PHC2: variants seen among roughly 807,000 people sequenced by gnomAD.
PHC2 encodes the protein polyhomeotic-like protein 2.
Under a neutral mutation model 87.4 loss-of-function variants are expected in PHC2, and 29 were observed. That is an observed-to-expected ratio of 0.33 (90% confidence interval 0.25 to 0.45). PHC2 has a LOEUF of 0.45. Among genes scored for constraint, PHC2 ranks in the 20% least tolerant of loss-of-function variants. The probability of loss-of-function intolerance (pLI) is 1.00; values close to 1 mark genes in which losing one functional copy is unlikely to be tolerated. For missense variants in PHC2, 857 were observed against 1,136.7 expected (o/e 0.75, Z 3.54); for synonymous variants, 438 against 461.7 (o/e 0.95, Z 0.66).
At chr1:33,412,547 T>C (rs1014304307) in intron 1 of PHC2, among the ~76,000 whole-genome samples, 1 of 152,206 alleles carries the variant, frequency 6.6e-6, no homozygotes, top group African/African-American at 2.4e-5. Flanking sequence ...GAAAGCATGA[T>C]CACTGATTGC....
chr1:33,394,373 T>C (rs1649209800), intron 1 of PHC2, among the ~76,000 whole-genome samples: 1 of 152,144 alleles, frequency 6.6e-6, no homozygotes, highest in African/African-American at 2.4e-5. Context: ...AAGTCAACTT[T>C]TTGCACTTAT....
rs572829897 is a variant in PHC2, at chr1:33,330,797, T to C, written c.2006+551A>G. ...CCCCAGGCCCATGGCTTATTAGCTA[T>C]GTTATCTGAGGCACTACTACTCCTT... On this transcript the variant is annotated intron_variant, in intron 12 of 14. Coordinates refer to ENST00000683057, the MANE Select transcript of PHC2 (RefSeq NM_001385109.1). 3.0e-4 allele frequency among the ~76,000 whole-genome samples: 46 copies of C among 152,336 alleles called. No homozygotes were observed. In the South Asian group the frequency reaches 9.3e-3, roughly 31 times the overall value.
chr1:33,428,091 A>AT (rs1267826578), intron 1 of PHC2, among the ~76,000 whole-genome samples: 1 of 152,208 alleles, frequency 6.6e-6, no homozygotes, highest in Non-Finnish European at 1.5e-5. Flanking sequence ...TTGTGATTTC[A>AT]TTTAGTCCTC....
intron 1 of PHC2, among the ~76,000 whole-genome samples, chr1:33,384,947 A>T (rs1027266105): frequency 5.2e-4 from 79 of 152,234 alleles, no homozygotes; most frequent in African/African-American, 1.8e-3. Flanking sequence ...CAAGGTTAAA[A>T]TACCGAAACA....
chr1:33,427,874 G>A (rs970888078), intron 1 of PHC2, among the ~76,000 whole-genome samples: 7 of 152,170 alleles, frequency 4.6e-5, no homozygotes, highest in South Asian at 4.1e-4. Context: ...TCTACCATAC[G>A]GACTCCATGC....
chr1:33,416,736 A>G (rs1382029191), intron 1 of PHC2, among the ~76,000 whole-genome samples: 1 of 152,130 alleles, frequency 6.6e-6, no homozygotes, highest in Non-Finnish European at 1.5e-5. Flanking sequence ...GTAAAATAGA[A>G]CTTTTCAGAC....
intron 1 of PHC2, among the ~76,000 whole-genome samples, chr1:33,379,308 C>A (rs1173280707): frequency 3.1e-5 from 3 of 95,700 alleles, no homozygotes; most frequent in Non-Finnish European, 6.5e-5. Context: ...CCTGCCCCCC[C>A]ACCCCCCCAC....
At chr1:33,428,683 C>A (rs954909138) in intron 1 of PHC2, among the ~76,000 whole-genome samples, 3 of 152,178 alleles carry the variant, frequency 2.0e-5, no homozygotes, top group Non-Finnish European at 4.4e-5. Context: ...GCTAAGACAG[C>A]AGAATGGGAT....
At chr1:33,336,756 T>A (rs370806132) in intron 9 of PHC2, 8 of 152,220 alleles carry the variant, frequency 5.3e-5, no homozygotes, top group Admixed American at 2.0e-4. Context: ...GGGACGCACA[T>A]GGAGCAGTGA....
At chr1:33,393,552 G>C (rs1385448386) in intron 1 of PHC2, among the ~76,000 whole-genome samples, 2 of 149,054 alleles carry the variant, frequency 1.3e-5, no homozygotes, top group East Asian at 4.0e-4. Flanking sequence ...TCTGTGCTCA[G>C]GGACCAGTGC....
intron 1 of PHC2, among the ~76,000 whole-genome samples, chr1:33,384,327 C>T (rs1043968107): frequency 1.3e-5 from 2 of 152,120 alleles, no homozygotes; most frequent in Non-Finnish European, 2.9e-5. Flanking sequence ...CTCTAAGGGG[C>T]CCCACTATCC....
At chr1:33,429,252 G>C (rs919264787) in intron 1 of PHC2, among the ~76,000 whole-genome samples, 26 of 152,110 alleles carry the variant, frequency 1.7e-4, no homozygotes, top group African/African-American at 5.8e-4. Context: ...CAGAAAAACT[G>C]ATGAGGGGAA....
intron 14 of PHC2, chr1:33,326,425 G>A (rs758853179): frequency 1.3e-5 from 2 of 152,558 alleles, no homozygotes; most frequent in Non-Finnish European, 2.9e-5. Context: ...CAATCCAAAG[G>A]CTCTCGACGG....
chr1:33,396,885 C>T (rs538037013), intron 1 of PHC2, among the ~76,000 whole-genome samples: 1 of 152,342 alleles, frequency 6.6e-6, no homozygotes, highest in African/African-American at 2.4e-5. Flanking sequence ...CACACAGACA[C>T]AAGAGGAGGC....
Position 33,367,229 on chromosome 1 carries a change from A to T in PHC2, c.863T>A (p.Met288Lys). 1 of 1,614,134 alleles carries T rather than the reference A, an allele frequency of 6.2e-7. No homozygotes were observed. Among genetic ancestry groups the T allele is most frequent in the Non-Finnish European group, 8.5e-7 (1 of 1,179,988 alleles). The change falls in exon 7 of 15, where the codon ATG becomes AAG. Residue 288 changes from methionine (M) to lysine (K), a missense_variant. Physicochemically the swap from Met to Lys is moderately conservative, Grantham distance 95. This residue lies in a region of PHC2 where 832 missense variants were observed against 1,081.8 expected (regional missense o/e 0.77). Transcript: ENST00000683057. ...GCCATCTCCTTTCTTGTGTGGCTCCATCACACTGTCAGCTATGCCAGGCTT... is the reference window on the plus strand; with the variant it reads ...GCCATCTCCTTTCTTGTGTGGCTCCTTCACACTGTCAGCTATGCCAGGCTT... ...GAKPGIADSV[M>K]EPHKKGDGNS...
intron 1 of PHC2, among the ~76,000 whole-genome samples, chr1:33,424,128 CAA>C (rs1168616576): frequency 6.9e-6 from 1 of 145,910 alleles, no homozygotes; most frequent in South Asian, 2.2e-4. Context: ...AAACAAAAAA[CAA>C]AAAAAAAGAA....
chr1:33,334,065 AAAG>A lies in PHC2; in HGVS notation c.1761+22_1761+24del. The A allele has an allele frequency of 6.4e-7, 1 of 1,568,970 alleles. No individual in the cohort carries two copies. Among genetic ancestry groups the A allele is most frequent in the African/African-American group, 1.4e-5 (1 of 72,246 alleles). The stretch of plus-strand genomic sequence containing the variant: ...CACATCCAAAATATACTTAAAAAAA[AAAG>A]GGGAAAAGAAGTAGTCCGTACCGGG... On this transcript the variant is annotated intron_variant, in intron 10 of 14. Coordinates refer to ENST00000683057, the MANE Select transcript of PHC2 (RefSeq NM_001385109.1). The surrounding 1 kb of genome is among the most constrained non-coding windows in gnomAD (Gnocchi z 5.5).
intron 1 of PHC2, among the ~76,000 whole-genome samples, chr1:33,392,400 T>C (rs1649107380): frequency 6.6e-6 from 1 of 152,210 alleles, no homozygotes; most frequent in Non-Finnish European, 1.5e-5. Context: ...GTTCTCACGT[T>C]CTGTTCCTTG....
Position 33,375,468 on chromosome 1 carries a change from A to G in PHC2, c.72T>C (p.Ser24=). The change falls in exon 2 of 15, where the codon AGT becomes AGC. Residue 24 remains serine, a synonymous_variant. Transcript: ENST00000683057. ...TGCTGTTGTTGCAGCCACTGCTGCT[A>G]CTGGCCCCGCTGGTACTGCTGGTGG... ...ACATSSTSGA[S]SSSGCNNSSS... 1.2e-6 allele frequency: 2 copies of G among 1,612,440 alleles called. No homozygotes were observed. Among genetic ancestry groups the G allele is most frequent in the South Asian group, 1.1e-5 (1 of 90,796 alleles).
Sources: gnomAD v4.1 joint callset for allele counts (sites outside exome capture counted in the v4.1 genomes callset) on GRCh38, gnomAD v4.1.1 for gene constraint, gnomAD v4.1.1 regional missense constraint, Gnocchi (gnomAD v3.1) non-coding constraint, MANE v1.5 for transcripts, NCBI Gene and HGNC (gene_info 2026-07-23, HGNC 2026-07-21) for gene names.